Variants in RNF169 observed in about 807,000 individuals in gnomAD.
The protein encoded by RNF169 is E3 ubiquitin-protein ligase RNF169.
In RNF169, 24 loss-of-function variants were observed where a neutral mutation model predicts 53.9. The ratio of observed to expected loss-of-function variants is 0.45; its 90% CI spans 0.32 to 0.63. The LOEUF (loss-of-function observed/expected upper bound fraction) is 0.63. RNF169 is among the 20% of genes least tolerant of loss of function. The pLI, the probability that RNF169 is intolerant of heterozygous loss-of-function variation, is 0.04. For synonymous variants in RNF169, 396 were observed against 363.5 expected (o/e 1.09, Z -1.02); for missense variants, 883 against 906.2 (o/e 0.97, Z 0.33).
At chr11:74,797,981 T>G (rs547356508) in intron 2 of RNF169, among the ~76,000 whole-genome samples, 1 of 152,246 alleles carries the variant, frequency 6.6e-6, no homozygotes, top group Non-Finnish European at 1.5e-5. Context: ...TGGACACTTA[T>G]CACTTCCCCA....
intron 1 of RNF169, among the ~76,000 whole-genome samples, chr11:74,751,532 G>A (rs2034895322): frequency 1.3e-5 from 2 of 152,208 alleles, no homozygotes; most frequent in Admixed American, 6.5e-5. Context: ...TGAACCATGA[G>A]AGGAAGTTTG....
chr11:74,826,672 G>A (rs2036102217), intron 4 of RNF169, among the ~76,000 whole-genome samples: 1 of 152,224 alleles, frequency 6.6e-6, no homozygotes, highest in African/African-American at 2.4e-5. Flanking sequence ...AAGGGTATAG[G>A]CATTGGGTAA....
At chr11:74,832,569 C>T (rs890252454) in intron 4 of RNF169, 1 of 152,184 alleles carries the variant, frequency 6.6e-6, no homozygotes, top group African/African-American at 2.4e-5. Context: ...GATCCCGCCT[C>T]AGTTTGAATA....
At chr11:74,821,083 C>CTG (rs2036003513) in intron 4 of RNF169, among the ~76,000 whole-genome samples, 1 of 152,222 alleles carries the variant, frequency 6.6e-6, no homozygotes, top group Non-Finnish European at 1.5e-5. Context: ...TACTCCAAAT[C>CTG]TGTGTTCTTT....
rs185091675 is a variant in RNF169 at position 74,764,271 on chromosome 11, C to T, written c.502+14889C>T. ...TAAGGGCGCTGGGTGCGGTAGCGCA[C>T]GCCTATAGTCCCAGCACTTTGGGAG... On this transcript the variant is annotated intron_variant, in intron 1 of 5. Transcript: ENST00000299563. 1.9e-3 allele frequency among the ~76,000 whole-genome samples: 282 copies of T among 152,356 alleles called. 2 individuals carry two copies. Among genetic ancestry groups the T allele is most frequent in the African/African-American group, 6.5e-3 (272 of 41,586 alleles).
intron 2 of RNF169, among the ~76,000 whole-genome samples, chr11:74,794,010 A>G (rs1374322110): frequency 1.3e-5 from 2 of 152,142 alleles, no homozygotes; most frequent in East Asian, 1.9e-4. Flanking sequence ...TCATTGGTTA[A>G]TGAAATATTT....
intron 2 of RNF169, among the ~76,000 whole-genome samples, chr11:74,792,236 TTAAA>T (rs960807892): frequency 5.9e-5 from 9 of 152,358 alleles, no homozygotes; most frequent in Admixed American, 1.3e-4. Context: ...GAACAGGTTC[TTAAA>T]TAAAATTTCA....
intron 4 of RNF169, among the ~76,000 whole-genome samples, chr11:74,821,793 G>T (rs1449733997): frequency 6.6e-6 from 1 of 152,128 alleles, no homozygotes; most frequent in African/African-American, 2.4e-5. Flanking sequence ...AGGGTATAGG[G>T]TTCCTTTTTG....
At chr11:74,825,414 C>A (rs12286482) in intron 4 of RNF169, among the ~76,000 whole-genome samples, 6,443 of 152,122 alleles carry the variant, frequency 0.042, 145 homozygotes, top group African/African-American at 0.062. Context: ...AAAATAAAAA[C>A]CTTCCTGGAT....
At chr11:74,775,890 G>A (rs973217492) in intron 1 of RNF169, among the ~76,000 whole-genome samples, 2 of 152,112 alleles carry the variant, frequency 1.3e-5, no homozygotes, top group African/African-American at 4.8e-5. Context: ...CACTTAATAT[G>A]TTATCTGGAA....
chr11:74,836,113 T>C lies in RNF169; in HGVS notation c.1510T>C (p.Phe504Leu). The change falls in exon 6 of 6, where the codon TTC (phenylalanine) becomes CTC (leucine). Residue 504 changes from phenylalanine (F) to leucine (L), a missense_variant. Transcript: ENST00000299563. ...TGPTSADLDH[F>L]PSVSQTKAEQ... is the part of the protein sequence containing the mutation. ...ACCCACCTCTGCTGATCTTGATCAT[T>C]TCCCCTCTGTTAGCCAAACAAAAGC... is the stretch of plus-strand genomic sequence containing the variant. 6.2e-7 allele frequency: 1 copy of C among 1,614,204 alleles called. No individual in the cohort carries two copies. Among genetic ancestry groups the C allele is most frequent in the African/African-American group, 1.3e-5 (1 of 75,052 alleles).
chr11:74,771,098 G>A (rs993695044), intron 1 of RNF169, among the ~76,000 whole-genome samples: 9 of 151,990 alleles, frequency 5.9e-5, no homozygotes, highest in African/African-American at 1.9e-4. Flanking sequence ...GTGAACCACC[G>A]TGCCTGGCCT....
At chr11:74,753,983 C>T (rs2034941014) in intron 1 of RNF169, among the ~76,000 whole-genome samples, 1 of 152,166 alleles carries the variant, frequency 6.6e-6, no homozygotes. Flanking sequence ...GTAAAGGCTA[C>T]ATCAGTGATC....
At position 74,824,583 on chromosome 11, in the gene RNF169, A is replaced by G. The variant is rs2036065114; in HGVS notation, c.842+6869A>G. Among the ~76,000 whole-genome samples, 3 of 152,362 alleles carry G rather than the reference A, an allele frequency of 2.0e-5. No individual in the cohort carries two copies. The South Asian group carries it at 6.2e-4, about 32-fold the overall frequency. On this transcript the variant is annotated intron_variant, in intron 4 of 5. Coordinates refer to ENST00000299563, the MANE Select transcript of RNF169 (RefSeq NM_001098638.2). ...GTTATAATCAAACTGTTGAAAGCCA[A>G]ACAGAATACTGGAAATAGCAAAGAT... is the stretch of plus-strand genomic sequence containing the variant.
At chr11:74,807,142 G>T (rs953351569) in intron 2 of RNF169, among the ~76,000 whole-genome samples, 1 of 151,980 alleles carries the variant, frequency 6.6e-6, no homozygotes, top group Non-Finnish European at 1.5e-5. Context: ...CCTTGTTTAG[G>T]GTCCTGCTGC....
chr11:74,761,501 G>C (rs1392752998), intron 1 of RNF169, among the ~76,000 whole-genome samples: 9 of 149,708 alleles, frequency 6.0e-5, no homozygotes, highest in Non-Finnish European at 6.0e-5. Flanking sequence ...TTTTAGGGCA[G>C]GCCTGGTGGT....
intron 2 of RNF169, 69 bp from the exon 3 acceptor site, chr11:74,810,113 TAC>T (rs1252940000): frequency 7.4e-7 from 1 of 1,357,790 alleles, no homozygotes; most frequent in African/African-American, 1.5e-5. Flanking sequence ...TCTAATAAAC[TAC>T]AGAGTAAAAT....
At chr11:74,804,809 G>A (rs957363911) in intron 2 of RNF169, among the ~76,000 whole-genome samples, 1 of 152,118 alleles carries the variant, frequency 6.6e-6, no homozygotes, top group Non-Finnish European at 1.5e-5. Flanking sequence ...TAAGAAATGT[G>A]TATCTAACAA....
At chr11:74,764,079 A>G (rs1231394984) in intron 1 of RNF169, among the ~76,000 whole-genome samples, 1 of 152,254 alleles carries the variant, frequency 6.6e-6, no homozygotes, top group Non-Finnish European at 1.5e-5. Flanking sequence ...GTGGAACTTC[A>G]GAACACCAAA....
Sources: gnomAD v4.1 joint callset for allele counts (sites outside exome capture counted in the v4.1 genomes callset) on GRCh38, gnomAD v4.1.1 for gene constraint, MANE v1.5 for transcripts, NCBI Gene and HGNC (gene_info 2026-07-23, HGNC 2026-07-21) for gene names.